The following TANK variants were observed in gnomAD, a reference collection of about 807,000 sequenced individuals.
TANK encodes TRAF family member associated NFKB activator.
In TANK, 15 loss-of-function variants were observed where a neutral mutation model predicts 43.6. That is an observed-to-expected ratio of 0.34 (90% CI 0.23 to 0.53). TANK has a LOEUF of 0.53. Ranked by LOEUF, TANK falls within the 20% of genes least tolerant of loss-of-function variation. The pLI is 0.94. For missense variants in TANK, 417 were observed against 498.6 expected, an observed-to-expected ratio of 0.84 and a Z score of 1.56; for synonymous variants, 162 against 178.2, an observed-to-expected ratio of 0.91 and a Z score of 0.73.
intron 1 of TANK, among the ~76,000 whole-genome samples, chr2:161,169,768 CAG>C (rs1360947189): frequency 6.6e-6 from 1 of 152,148 alleles, no homozygotes; most frequent in Non-Finnish European, 1.5e-5. Flanking sequence ...GCTTTAGCAA[CAG>C]AGACCTAGGT....
intron 2 of TANK, among the ~76,000 whole-genome samples, chr2:161,182,312 C>T (rs961109575): frequency 2.0e-5 from 3 of 152,088 alleles, no homozygotes; most frequent in Non-Finnish European, 2.9e-5. Flanking sequence ...AAGTAAAGGG[C>T]TCAGTCCCAC....
At chr2:161,153,143 T>C (rs1009544129) in intron 1 of TANK, among the ~76,000 whole-genome samples, 1 of 152,094 alleles carries the variant, frequency 6.6e-6, no homozygotes, top group Non-Finnish European at 1.5e-5. Flanking sequence ...CCATTTGTTA[T>C]TGTGCCATTC....
Position 161,171,802 on chromosome 2 carries a change from CT to C in TANK, c.-49-7811del, listed in dbSNP as rs963032952. On this transcript the variant is annotated intron_variant, in intron 1 of 7. Transcript: ENST00000392749. ...TTAACTCATAAGATTTTAACTACTT[CT>C]CTTTCGAAACAACTTTACCATTTAT... is the stretch of plus-strand genomic sequence containing the variant. Among the ~76,000 whole-genome samples, 131 of 152,318 alleles carry C rather than the reference CT, an allele frequency of 8.6e-4. 2 individuals are homozygous for C. Among genetic ancestry groups the C allele is most frequent in the African/African-American group, 2.9e-3 (120 of 41,570 alleles).
At chr2:161,160,864 G>T (rs1200707890) in intron 1 of TANK, 2 of 504,876 alleles carry the variant, frequency 4.0e-6, no homozygotes, top group Admixed American at 2.4e-5. Context: ...ACTTCCCTTC[G>T]GGAGAGAGAC....
chr2:161,228,215 C>T (rs1278080221), intron 6 of TANK, among the ~76,000 whole-genome samples: 1 of 152,152 alleles, frequency 6.6e-6, no homozygotes, highest in East Asian at 1.9e-4. Context: ...ATGATGGCCC[C>T]ATAAGATTAT....
chr2:161,189,176 G>T (rs1164097327), intron 2 of TANK, among the ~76,000 whole-genome samples: 1 of 152,086 alleles, frequency 6.6e-6, no homozygotes, highest in Non-Finnish European at 1.5e-5. Flanking sequence ...CATATTAAAA[G>T]AATTACATAT....
intron 4 of TANK, among the ~76,000 whole-genome samples, chr2:161,222,064 A>AT (rs1266106727): frequency 1.3e-5 from 2 of 152,016 alleles, no homozygotes; most frequent in Non-Finnish European, 2.9e-5. Context: ...AAGGTTTGTC[A>AT]TTTTTTTCCT....
Position 161,215,331 on chromosome 2 carries a change from T to G in TANK, c.328-8584T>G, listed in dbSNP as rs1383946942. Among the ~76,000 whole-genome samples the G allele has an allele frequency of 2.6e-5, 4 of 152,236 alleles. No individual in the cohort carries two copies. The East Asian group carries it at 7.7e-4, about 29-fold the overall frequency. On this transcript the variant is annotated intron_variant, in intron 4 of 7. Transcript: ENST00000392749. ...ATTCCAGCATCTCCTCAGGAACCTT[T>G]ATTTGTACATGGAGGTCCTAATGCT...
chr2:161,195,807 G>A (rs905104088), intron 2 of TANK, among the ~76,000 whole-genome samples: 1 of 152,134 alleles, frequency 6.6e-6, no homozygotes, highest in Admixed American at 6.6e-5. Context: ...GGGGCCAGGC[G>A]CAGTGGCTCA....
At chr2:161,211,797 C>T (rs978948981) in intron 4 of TANK, 1 of 985,282 alleles carries the variant, frequency 1.0e-6, no homozygotes, top group Non-Finnish European at 1.2e-6. Flanking sequence ...GCTTAGAGAA[C>T]TGGAGAAAAA....
At chr2:161,161,300 A>G (rs1684422778) in intron 1 of TANK, 1 of 1,550,628 alleles carries the variant, frequency 6.4e-7, no homozygotes. Context: ...GCTTTTGACA[A>G]GTTATAATAA....
chr2:161,141,936 C>T (rs1391721529), intron 1 of TANK, among the ~76,000 whole-genome samples: 6 of 152,190 alleles, frequency 3.9e-5, no homozygotes, highest in Non-Finnish European at 5.9e-5. Flanking sequence ...AACGAATTTA[C>T]ATTTCCACCA....
At chr2:161,144,396 T>A (rs1436134422) in intron 1 of TANK, among the ~76,000 whole-genome samples, 1 of 152,204 alleles carries the variant, frequency 6.6e-6, no homozygotes, top group Non-Finnish European at 1.5e-5. Flanking sequence ...TTAATTGTGA[T>A]GTTAGGTTGT....
intron 4 of TANK, chr2:161,205,064 C>A: frequency 1.2e-6 from 1 of 850,410 alleles, no homozygotes; most frequent in Non-Finnish European, 1.5e-6. Context: ...CTGACTCACT[C>A]CTGTAATTCA....
chr2:161,205,925 T>C (rs1007182896), intron 4 of TANK, among the ~76,000 whole-genome samples: 1 of 152,212 alleles, frequency 6.6e-6, no homozygotes, highest in Non-Finnish European at 1.5e-5. Flanking sequence ...AGGCGCATGC[T>C]GCCATGCGTG....
intron 1 of TANK, among the ~76,000 whole-genome samples, chr2:161,167,058 A>G (rs1684715254): frequency 6.6e-6 from 1 of 152,238 alleles, no homozygotes; most frequent in Non-Finnish European, 1.5e-5. Flanking sequence ...GAACTCTGGC[A>G]GAACATTTAC....
intron 1 of TANK, among the ~76,000 whole-genome samples, chr2:161,174,830 A>G (rs1022811049): frequency 3.3e-5 from 5 of 152,188 alleles, no homozygotes; most frequent in African/African-American, 4.8e-5. Flanking sequence ...AGGAAAATCA[A>G]ACTGAGCAGT....
At chr2:161,159,481 C>T (rs1212638602), upstream of TANK, among the ~76,000 whole-genome samples, 1 of 152,130 alleles carries the variant, frequency 6.6e-6, no homozygotes, top group Non-Finnish European at 1.5e-5. Context: ...CTGGTCAAAA[C>T]GTTATATATA....
At chr2:161,193,122 G>A (rs1685994202) in intron 2 of TANK, among the ~76,000 whole-genome samples, 1 of 152,138 alleles carries the variant, frequency 6.6e-6, no homozygotes, top group South Asian at 2.1e-4. Flanking sequence ...ATATATGCTA[G>A]CAATTAAAAG....
Sources: gnomAD v4.1 joint callset for allele counts (sites outside exome capture counted in the v4.1 genomes callset) on GRCh38, gnomAD v4.1.1 for gene constraint, MANE v1.5 for transcripts, NCBI Gene and HGNC (gene_info 2026-07-23, HGNC 2026-07-21) for gene names.